The following COG5 variants were observed in gnomAD, a reference collection of about 807,000 sequenced individuals.
COG5 encodes the protein component of oligomeric golgi complex 5, also known as conserved oligomeric Golgi complex subunit 5.
Under a neutral mutation model 110.4 loss-of-function variants are expected in COG5, and 86 were observed. The observed-to-expected ratio is 0.78, with a 90% confidence interval of 0.65 to 0.93. The LOEUF (loss-of-function observed/expected upper bound fraction) is 0.93. Among genes scored for constraint, COG5 ranks in the 40% least tolerant of loss-of-function variants. The pLI is 0.00. For missense variants in COG5, 1,077 were observed against 987.0 expected (o/e 1.09, Z -1.22); for synonymous variants, 360 against 334.6 (o/e 1.08, Z -0.83).
At chr7:107,505,869 T>C (rs1798956391) in intron 6 of COG5, among the ~76,000 whole-genome samples, 2 of 152,132 alleles carry the variant, frequency 1.3e-5, no homozygotes, top group Admixed American at 1.3e-4. Context: ...AGATGCCCAG[T>C]GTGGCTGCCA....
intron 12 of COG5, among the ~76,000 whole-genome samples, chr7:107,288,466 C>T (rs1805834002): frequency 6.6e-6 from 1 of 152,158 alleles, no homozygotes; most frequent in African/African-American, 2.4e-5. Context: ...ACATCCTTGA[C>T]AACACTTGCT....
chr7:107,511,054 C>T (rs548017737), intron 6 of COG5, among the ~76,000 whole-genome samples: 13 of 149,154 alleles, frequency 8.7e-5, no homozygotes, highest in African/African-American at 2.9e-4. Context: ...CAGAGCAGAA[C>T]TGAAGGAAAT....
At chr7:107,358,285 T>C (rs1812800821) in intron 10 of COG5, among the ~76,000 whole-genome samples, 1 of 152,190 alleles carries the variant, frequency 6.6e-6, no homozygotes, top group South Asian at 2.1e-4. Flanking sequence ...ACTAAATAGA[T>C]TCATTTGTGT....
At chr7:107,449,780 AAAAAG>A in intron 6 of COG5, among the ~76,000 whole-genome samples, 1 of 152,348 alleles carries the variant, frequency 6.6e-6, no homozygotes. Context: ...ACCACTGTAA[AAAAAG>A]AAAAGAAAAA....
At chr7:107,276,145 C>T (rs1341213081) in intron 14 of COG5, among the ~76,000 whole-genome samples, 3 of 152,014 alleles carry the variant, frequency 2.0e-5, no homozygotes, top group South Asian at 4.1e-4. Context: ...ATAACATTTG[C>T]CATTTACACT....
At chr7:107,495,145 G>A (rs952987858) in intron 6 of COG5, among the ~76,000 whole-genome samples, 1 of 152,150 alleles carries the variant, frequency 6.6e-6, no homozygotes, top group Non-Finnish European at 1.5e-5. Flanking sequence ...ATGGCAGAAA[G>A]CTGGGGCCTT....
intron 2 of COG5, among the ~76,000 whole-genome samples, chr7:107,557,727 C>A (rs1457937157): frequency 1.3e-5 from 2 of 152,220 alleles, no homozygotes; most frequent in East Asian, 3.9e-4. Context: ...CCACTATATT[C>A]GTTGCACATC....
chr7:107,364,249 A>C (rs1055108533), intron 8 of COG5, among the ~76,000 whole-genome samples: 2 of 152,234 alleles, frequency 1.3e-5, no homozygotes, highest in Non-Finnish European at 2.9e-5. Flanking sequence ...AATTCAGATT[A>C]TGAGGCTCTC....
chr7:107,496,248 T>C (rs562018736), intron 6 of COG5, among the ~76,000 whole-genome samples: 26 of 152,186 alleles, frequency 1.7e-4, no homozygotes, highest in African/African-American at 6.0e-4. Flanking sequence ...TAAATACAGA[T>C]GAAAAAAATC....
intron 6 of COG5, among the ~76,000 whole-genome samples, chr7:107,457,922 C>T (rs901391791): frequency 5.9e-5 from 9 of 151,888 alleles, no homozygotes; most frequent in Non-Finnish European, 1.3e-4. Flanking sequence ...GGAGAGTACA[C>T]ACAAAAAATT....
chr7:107,452,424 G>A (rs1262187609), intron 6 of COG5, among the ~76,000 whole-genome samples: 3 of 152,076 alleles, frequency 2.0e-5, no homozygotes, highest in African/African-American at 7.2e-5. Flanking sequence ...ACCTTGAATT[G>A]TAACTCCCAC....
chr7:107,547,123 C>T, intron 5 of COG5, among the ~76,000 whole-genome samples: 1 of 152,132 alleles, frequency 6.6e-6, no homozygotes, highest in East Asian at 1.9e-4. Context: ...GCAAAATCCT[C>T]AACAAAATAC....
rs1278004931 is a variant in COG5 at position 107,557,321 on chromosome 7, C to T, written c.234+655G>A. ...TAAATACCTACTCAATCAAAGGCAA[C>T]ACTAGAAATTATGCCATAAAATCGC... is the stretch of plus-strand genomic sequence containing the variant. On this transcript the variant is annotated intron_variant, in intron 2 of 21. Transcript: ENST00000297135. Among the ~76,000 whole-genome samples, 5 of 152,126 alleles carry T rather than the reference C, an allele frequency of 3.3e-5. No homozygotes were observed. The East Asian group carries it at 9.6e-4, about 29-fold the overall frequency.
At chr7:107,268,156 C>T (rs985075889) in intron 14 of COG5, among the ~76,000 whole-genome samples, 14 of 151,972 alleles carry the variant, frequency 9.2e-5, no homozygotes, top group African/African-American at 2.4e-4. Context: ...TTAGCACAGA[C>T]GGGGTTTCTC....
In COG5 at chr7:107,544,324, T is replaced by C. The variant is rs567826120; in HGVS notation, c.417+3787A>G. Among the ~76,000 whole-genome samples the C allele has an allele frequency of 2.0e-5, 3 of 152,172 alleles. No homozygotes were observed. The East Asian group carries it at 5.8e-4, about 29-fold the overall frequency. ...CTGGTTGGCTCCTGCAGATTCAAGC[T>C]AAAGGCCGGTCCAAGTGCCAGGTCA... On this transcript the variant is annotated intron_variant, in intron 5 of 21. Transcript: ENST00000297135.
chr7:107,317,966 C>T (rs1325719616), intron 11 of COG5, among the ~76,000 whole-genome samples: 2 of 152,106 alleles, frequency 1.3e-5, no homozygotes, highest in African/African-American at 4.8e-5. Flanking sequence ...TAAACAATAT[C>T]GGAAGATATA....
At chr7:107,267,847 G>A (rs1803925408) in intron 14 of COG5, among the ~76,000 whole-genome samples, 1 of 152,094 alleles carries the variant, frequency 6.6e-6, no homozygotes, top group African/African-American at 2.4e-5. Context: ...CTTGAGGCCA[G>A]GAGTTCGAGA....
intron 11 of COG5, among the ~76,000 whole-genome samples, chr7:107,304,119 T>A (rs1238223928): frequency 6.6e-6 from 1 of 152,182 alleles, no homozygotes; most frequent in Non-Finnish European, 1.5e-5. Context: ...TAAGAAAGTA[T>A]GCCTTTGATT....
intron 5 of COG5, among the ~76,000 whole-genome samples, chr7:107,545,577 C>T (rs927142314): frequency 3.3e-5 from 5 of 151,940 alleles, no homozygotes; most frequent in South Asian, 2.1e-4. Flanking sequence ...GTCAGGAGTT[C>T]GAGACCAGCC....
Sources: gnomAD v4.1 joint callset for allele counts (sites outside exome capture counted in the v4.1 genomes callset) on GRCh38, gnomAD v4.1.1 for gene constraint, MANE v1.5 for transcripts, NCBI Gene and HGNC (gene_info 2026-07-23, HGNC 2026-07-21) for gene names.